DIPK2B: variants seen among roughly 807,000 people sequenced by gnomAD.
DIPK2B encodes UPF0672 protein CXorf36.
A neutral mutation model predicts 22.2 loss-of-function variants in DIPK2B; 15 were observed. That is an observed-to-expected ratio of 0.68 (90% CI 0.45 to 1.04). The LOEUF is 1.04. Ranked by LOEUF, DIPK2B falls within the 50% of genes least tolerant of loss-of-function variation. DIPK2B has a pLI of 0.00. For synonymous variants in DIPK2B, 163 were observed against 153.2 expected (o/e 1.06, Z -0.47); for missense variants, 345 against 348.3 (o/e 0.99, Z 0.08).
chrX:45,166,594 C>A (rs2047050125), intron 2 of DIPK2B, among the ~76,000 whole-genome samples: 1 of 111,881 alleles, frequency 8.9e-6, no homozygotes, highest in Admixed American at 9.5e-5. Context: ...ACATTATCCT[C>A]AAGCCCATCT....
chrX:45,156,268 G>A (rs969189121), intron 3 of DIPK2B, among the ~76,000 whole-genome samples: 5 of 110,844 alleles, frequency 4.5e-5, no homozygotes, highest in Non-Finnish European at 9.5e-5. Context: ...CACAGCACCC[G>A]GCCCAGAGGG....
At chrX:45,159,032 C>G (rs2148334944) in intron 2 of DIPK2B, among the ~76,000 whole-genome samples, 1 of 111,169 alleles carries the variant, frequency 9.0e-6, no homozygotes, top group Admixed American at 9.5e-5. Flanking sequence ...ATAAACTACC[C>G]AGGTGGAGGC....
Position 45,165,399 on chromosome X carries a change from C to T in DIPK2B, c.499-7511G>A, listed in dbSNP as rs1429946891. 1.3e-4 allele frequency among the ~76,000 whole-genome samples: 14 copies of T among 111,816 alleles called. No homozygotes were observed. In the Admixed American group the frequency reaches 1.3e-3, roughly 11 times the overall value. On this transcript the variant is annotated intron_variant, in intron 2 of 4. Coordinates refer to ENST00000398000, the MANE Select transcript of DIPK2B (RefSeq NM_176819.4). ...TCTAATGAATCTCTCAGGAGGAAAT[C>T]ATAGCTGCTTGAAGGAGAGATGGAG...
chrX:45,193,958 G>C (rs1202062693), intron 1 of DIPK2B, among the ~76,000 whole-genome samples: 1 of 107,653 alleles, frequency 9.3e-6, no homozygotes, highest in African/African-American at 3.4e-5. Flanking sequence ...GAGCTGGAAA[G>C]TTATCACTAG....
chrX:45,173,812 C>T (rs2047100808), intron 2 of DIPK2B, among the ~76,000 whole-genome samples: 1 of 110,635 alleles, frequency 9.0e-6, no homozygotes, highest in African/African-American at 3.3e-5. Context: ...CTCAAGCGAT[C>T]CTCCCGCCTT....
intron 2 of DIPK2B, among the ~76,000 whole-genome samples, chrX:45,160,514 G>A (rs2047017378): frequency 8.9e-6 from 1 of 111,938 alleles, no homozygotes; most frequent in Admixed American, 9.5e-5. Context: ...GTTCTTTACA[G>A]CAGTGTGAGA....
chrX:45,183,196 G>A (rs1247292318), intron 2 of DIPK2B: 1 of 112,260 alleles, frequency 8.9e-6, no homozygotes, highest in Non-Finnish European at 1.9e-5. Context: ...AATTTTGGTG[G>A]ATAACAAAAT....
At chrX:45,189,482 C>T (rs1377776142) in intron 2 of DIPK2B, among the ~76,000 whole-genome samples, 4 of 111,068 alleles carry the variant, frequency 3.6e-5, no homozygotes, top group African/African-American at 6.6e-5. Flanking sequence ...GGTGTGGTGG[C>T]GGCACCTGTA....
intron 2 of DIPK2B, among the ~76,000 whole-genome samples, chrX:45,187,468 GCACACA>G (rs34308256): frequency 0.17 from 16,378 of 98,299 alleles, 1,292 homozygotes; most frequent in Admixed American, 0.37. Flanking sequence ...GCGCGCGCGC[GCACACA>G]CACACACACA....
intron 2 of DIPK2B, among the ~76,000 whole-genome samples, chrX:45,184,592 C>T (rs1054775550): frequency 8.9e-6 from 1 of 111,991 alleles, no homozygotes; most frequent in Non-Finnish European, 1.9e-5. Flanking sequence ...TAAATTATGC[C>T]TTCCACAGAC....
At chrX:45,164,029 T>A in intron 2 of DIPK2B, 2 of 1,001,677 alleles carry the variant, frequency 2.0e-6, no homozygotes, top group Non-Finnish European at 2.5e-6. Context: ...TGGGCCTGTG[T>A]GTTGGTGAAT....
At chrX:45,188,806 T>C (rs1433443858) in intron 2 of DIPK2B, among the ~76,000 whole-genome samples, 1 of 111,924 alleles carries the variant, frequency 8.9e-6, no homozygotes, top group Non-Finnish European at 1.9e-5. Context: ...GATTTGCCTA[T>C]TCTGGACATT....
intron 2 of DIPK2B, among the ~76,000 whole-genome samples, chrX:45,187,435 A>G (rs2148348421): frequency 9.3e-6 from 1 of 107,831 alleles, no homozygotes; most frequent in East Asian, 2.9e-4. Flanking sequence ...TGTTATTAGC[A>G]TAAGTGCTAC....
intron 1 of DIPK2B, among the ~76,000 whole-genome samples, chrX:45,194,537 A>G (rs1243103285): frequency 9.0e-6 from 1 of 111,104 alleles, no homozygotes; most frequent in Non-Finnish European, 1.9e-5. Context: ...GGAGTGAGCC[A>G]CCGCACTTGG....
rs2046955094 is a variant in DIPK2B at position 45,150,601 on chromosome X, C to T, written c.*1051G>A. Reference sequence around the variant, plus strand: ...AGGGAGCGGGGCTGACCAGGGACCCCTGCTGCTGTGCTCTGAAATCTATCT... The same window carrying T: ...AGGGAGCGGGGCTGACCAGGGACCCTTGCTGCTGTGCTCTGAAATCTATCT... On this transcript the variant is annotated 3_prime_UTR_variant, in exon 5 of 5. Transcript: ENST00000398000. The T allele has an allele frequency of 9.0e-6, 1 of 111,125 alleles. No individual in the cohort carries two copies. Among genetic ancestry groups the T allele is most frequent in the Non-Finnish European group, 1.9e-5 (1 of 53,066 alleles). The allele number at this position is 111,125 out of a possible 1,213,427, so 9.2% of individuals were successfully genotyped here. A position where few individuals can be genotyped will look rare whatever the true frequency, so the allele number is the denominator to read the frequency against.
At chrX:45,189,665 C>T (rs1332785341) in intron 2 of DIPK2B, among the ~76,000 whole-genome samples, 2 of 110,912 alleles carry the variant, frequency 1.8e-5, no homozygotes, top group African/African-American at 6.6e-5. Flanking sequence ...CTGGATGAGG[C>T]ATGAAAGTGA....
intron 2 of DIPK2B, among the ~76,000 whole-genome samples, chrX:45,171,259 C>T (rs1214341514): frequency 9.0e-6 from 1 of 110,872 alleles, no homozygotes; most frequent in Non-Finnish European, 1.9e-5. Flanking sequence ...GTGACCCTGC[C>T]CTACTTTTGC....
chrX:45,189,815 G>A (rs1357046989), intron 2 of DIPK2B, among the ~76,000 whole-genome samples: 1 of 111,619 alleles, frequency 9.0e-6, no homozygotes, highest in Non-Finnish European at 1.9e-5. Flanking sequence ...TAGGAGAATG[G>A]GTTGGTGCAG....
At chrX:45,184,089 A>G (rs1443864428) in intron 2 of DIPK2B, among the ~76,000 whole-genome samples, 1 of 111,953 alleles carries the variant, frequency 8.9e-6, no homozygotes, top group African/African-American at 3.2e-5. Flanking sequence ...GTTTCAGTTG[A>G]CATAACATTT....
Sources: gnomAD v4.1 joint callset for allele counts (sites outside exome capture counted in the v4.1 genomes callset) on GRCh38, gnomAD v4.1.1 for gene constraint, MANE v1.5 for transcripts, NCBI Gene and HGNC (gene_info 2026-07-23, HGNC 2026-07-21) for gene names.